Variants in DLG2 observed in about 807,000 individuals in gnomAD.
DLG2 encodes discs large MAGUK scaffold protein 2.
A neutral mutation model predicts 132.5 loss-of-function variants in DLG2; 45 were observed. The ratio of observed to expected loss-of-function variants is 0.34; its 90% CI spans 0.27 to 0.44. The LOEUF (loss-of-function observed/expected upper bound fraction) is 0.44, where lower values mean the gene tolerates loss of function less well. Among genes scored for constraint, DLG2 ranks in the 20% least tolerant of loss-of-function variants. The pLI is 1.00. For missense variants in DLG2, 1,045 were observed against 1,196.9 expected (o/e 0.87, Z 1.87); for synonymous variants, 424 against 419.6 (o/e 1.01, Z -0.13).
chr11:83,537,123 G>T (rs2095899025), intron 20 of DLG2, among the ~76,000 whole-genome samples: 1 of 152,120 alleles, frequency 6.6e-6, no homozygotes, highest in Admixed American at 6.6e-5. Flanking sequence ...TCTCATCACT[G>T]ACCAAAATAC....
intron 15 of DLG2, among the ~76,000 whole-genome samples, chr11:83,889,139 C>A (rs893018885): frequency 4.6e-5 from 7 of 151,918 alleles, no homozygotes; most frequent in Non-Finnish European, 7.4e-5. Context: ...TTCTGCACAG[C>A]AAAAGAAACT....
intron 21 of DLG2, among the ~76,000 whole-genome samples, chr11:83,524,168 AT>A (rs1361745925): frequency 6.6e-6 from 1 of 152,130 alleles, no homozygotes; most frequent in Middle Eastern, 3.2e-3. Context: ...TATGATTTCT[AT>A]TTTCACATAT....
chr11:83,695,205 G>A (rs2081672581), intron 18 of DLG2, among the ~76,000 whole-genome samples: 5 of 152,190 alleles, frequency 3.3e-5, no homozygotes, highest in African/African-American at 1.2e-4. Flanking sequence ...AGAGTCAGCA[G>A]CAGTGTAATG....
At chr11:84,529,432 C>T (rs1423700509) in intron 7 of DLG2, among the ~76,000 whole-genome samples, 1 of 152,108 alleles carries the variant, frequency 6.6e-6, no homozygotes, top group Non-Finnish European at 1.5e-5. Flanking sequence ...ATCTGATAAA[C>T]AACTTCAGCA....
At chr11:83,555,136 G>T (rs12291733) in intron 19 of DLG2, among the ~76,000 whole-genome samples, 33,228 of 152,236 alleles carry the variant, frequency 0.22, 3,809 homozygotes, top group Non-Finnish European at 0.23. Context: ...GGAGCAGCAG[G>T]GTGGGCAGAG....
chr11:85,293,052 C>A (rs561015005), intron 3 of DLG2, among the ~76,000 whole-genome samples: 11 of 152,070 alleles, frequency 7.2e-5, no homozygotes, highest in South Asian at 6.2e-4. Context: ...TGGGATATAA[C>A]CTTTTTAATA....
At chr11:83,702,284 C>T (rs919033298) in intron 18 of DLG2, among the ~76,000 whole-genome samples, 13 of 152,138 alleles carry the variant, frequency 8.5e-5, no homozygotes, top group Non-Finnish European at 1.3e-4. Flanking sequence ...AGGATATAGA[C>T]ACCTACAGTT....
chr11:83,910,733 T>A lies in DLG2; in HGVS notation c.1496+19595A>T, dbSNP rs191964850. On this transcript the variant is annotated intron_variant, in intron 15 of 27. Coordinates refer to ENST00000376104, the MANE Select transcript of DLG2 (RefSeq NM_001142699.3). ...AAGGAAAAAGTACAGCTATTTTAACTTAGAGAAAAATGTGGTTTTCATACA... is the reference window on the plus strand; with the variant it reads ...AAGGAAAAAGTACAGCTATTTTAACATAGAGAAAAATGTGGTTTTCATACA... Among the ~76,000 whole-genome samples, 422 of 152,238 alleles carry A rather than the reference T, an allele frequency of 2.8e-3. 2 individuals are homozygous for A. The highest frequency in any genetic ancestry group is 4.4e-3 in the Non-Finnish European group (297 of 68,004).
chr11:83,633,743 A>AACACACACACACAC lies in DLG2; in HGVS notation c.1826-432_1826-419dup, dbSNP rs35932645. 1.9e-3 allele frequency among the ~76,000 whole-genome samples: 274 copies of AACACACACACACAC among 143,290 alleles called. 1 individual carries two copies. Among genetic ancestry groups the AACACACACACACAC allele is most frequent in the Middle Eastern group, 3.5e-3 (1 of 282 alleles). 94.0% of individuals were successfully genotyped at this position (143,290 alleles called of 152,430 possible). On this transcript the variant is annotated intron_variant, in intron 18 of 27. Coordinates refer to ENST00000376104, the MANE Select transcript of DLG2 (RefSeq NM_001142699.3). The stretch of plus-strand genomic sequence containing the variant: ...CGTGTGATAAAATTACACAGAACTA[A>AACACACACACACAC]ACACACACACACACACACACACACA...
At chr11:83,746,161 C>T (rs536223382) in intron 18 of DLG2, among the ~76,000 whole-genome samples, 1 of 152,314 alleles carries the variant, frequency 6.6e-6, no homozygotes, top group Non-Finnish European at 1.5e-5. Context: ...TTGTGGAAGA[C>T]AGTGTGGCGA....
chr11:83,925,320 A>C (rs12808432), intron 15 of DLG2, among the ~76,000 whole-genome samples: 11,978 of 152,150 alleles, frequency 0.079, 671 homozygotes, highest in Non-Finnish European at 0.12. Flanking sequence ...TGCTCAGTGG[A>C]GCTCTCTAAA....
At chr11:84,860,988 C>T (rs1221064647) in intron 6 of DLG2, among the ~76,000 whole-genome samples, 2 of 151,938 alleles carry the variant, frequency 1.3e-5, no homozygotes, top group Admixed American at 6.6e-5. Flanking sequence ...ACTATGTGTT[C>T]ATACACTACA....
intron 7 of DLG2, among the ~76,000 whole-genome samples, chr11:84,346,660 C>T (rs1242564986): frequency 1.3e-5 from 2 of 152,198 alleles, no homozygotes; most frequent in Non-Finnish European, 2.9e-5. Flanking sequence ...TCCCTGCAAC[C>T]TTCGCCTCCC....
intron 4 of DLG2, among the ~76,000 whole-genome samples, chr11:85,233,445 A>T (rs2075406709): frequency 6.6e-6 from 1 of 151,856 alleles, no homozygotes; most frequent in Admixed American, 6.6e-5. Flanking sequence ...TCATCATTTT[A>T]GCTGTTTTAC....
At chr11:85,156,758 A>G (rs1486405375) in intron 4 of DLG2, among the ~76,000 whole-genome samples, 1 of 152,178 alleles carries the variant, frequency 6.6e-6, no homozygotes, top group Non-Finnish European at 1.5e-5. Flanking sequence ...GACTAAGCGC[A>G]AAGTAAAAGA....
chr11:85,376,460 GT>G lies in DLG2; in HGVS notation c.41-91096del, dbSNP rs555385483. Among the ~76,000 whole-genome samples the G allele has an allele frequency of 4.1e-4, 62 of 152,200 alleles. 1 individual carries two copies. In the South Asian group the frequency reaches 0.012, roughly 31 times the overall value. On this transcript the variant is annotated intron_variant, in intron 3 of 27. Transcript: ENST00000376104. ...GTAAATGTCAAGAGGCCTGAACCAA[GT>G]TTTTTTATTCCTTTATTTAGTGCTC... is the stretch of plus-strand genomic sequence containing the variant.
chr11:84,529,328 C>G (rs1358292355), intron 7 of DLG2, among the ~76,000 whole-genome samples: 1 of 152,104 alleles, frequency 6.6e-6, no homozygotes, highest in South Asian at 2.1e-4. Flanking sequence ...AAAAGGCATC[C>G]AAATAGGAAG....
chr11:85,276,420 G>A (rs959974513), intron 4 of DLG2, among the ~76,000 whole-genome samples: 1 of 152,098 alleles, frequency 6.6e-6, no homozygotes, highest in Admixed American at 6.6e-5. Context: ...GATAGTCATT[G>A]CAACCTAACC....
intron 16 of DLG2, among the ~76,000 whole-genome samples, chr11:83,863,525 A>G (rs1459610745): frequency 2.6e-5 from 4 of 152,154 alleles, no homozygotes; most frequent in Non-Finnish European, 5.9e-5. Context: ...GAGGAGGAAG[A>G]AATGGGTTCT....
Sources: allele counts gnomAD v4.1 joint callset (sites outside exome capture counted in the v4.1 genomes callset), GRCh38; gene constraint gnomAD v4.1.1; transcripts MANE v1.5; gene names NCBI Gene and HGNC (gene_info 2026-07-23, HGNC 2026-07-21).